The following PUDP variants were observed in gnomAD, a reference collection of about 807,000 sequenced individuals.
The protein encoded by PUDP is pseudouridine 5'-phosphatase.
A neutral mutation model predicts 9.4 loss-of-function variants in PUDP; 8 were observed. That is an observed-to-expected ratio of 0.85 (90% confidence interval 0.50 to 1.53). The LOEUF (loss-of-function observed/expected upper bound fraction) is 1.53. Among genes scored for constraint, PUDP ranks in the 40% most tolerant of loss-of-function variants. The pLI, the probability that PUDP is intolerant of heterozygous loss-of-function variation, is 0.00. For synonymous variants in PUDP, 99 were observed against 80.7 expected, an observed-to-expected ratio of 1.23 and a Z score of -1.22; for missense variants, 188 against 189.7, an observed-to-expected ratio of 0.99 and a Z score of 0.05.
chrX:6,839,613 T>C (rs1000689837), intron 3 of PUDP, among the ~76,000 whole-genome samples: 1 of 111,828 alleles, frequency 8.9e-6, no homozygotes, highest in African/African-American at 3.3e-5. Flanking sequence ...TGAAAACTTA[T>C]GTGATGCTTC....
At chrX:6,854,850 C>T (rs1025446420) in intron 3 of PUDP, among the ~76,000 whole-genome samples, 1 of 108,664 alleles carries the variant, frequency 9.2e-6, no homozygotes, top group African/African-American at 3.3e-5. Context: ...AGGAAGTTCA[C>T]TGATAAGTGG....
intron 3 of PUDP, among the ~76,000 whole-genome samples, chrX:6,779,552 C>T (rs1925522617): frequency 8.9e-6 from 1 of 111,912 alleles, no homozygotes; most frequent in Non-Finnish European, 1.9e-5. Context: ...TTGGACCAGG[C>T]TTACTGACAG....
At chrX:6,946,112 C>T (rs772765045) in intron 3 of PUDP, among the ~76,000 whole-genome samples, 1 of 111,140 alleles carries the variant, frequency 9.0e-6, no homozygotes, top group South Asian at 3.9e-4. Context: ...GATAAGAGAC[C>T]CTGACCATGG....
At chrX:6,972,206 T>C (rs1247834904) in intron 3 of PUDP, among the ~76,000 whole-genome samples, 1 of 111,969 alleles carries the variant, frequency 8.9e-6, no homozygotes, top group East Asian at 2.8e-4. Flanking sequence ...TATTTCTTTC[T>C]CTTGCCTGAT....
intron 3 of PUDP, among the ~76,000 whole-genome samples, chrX:6,739,860 T>G (rs1924915007): frequency 8.9e-6 from 1 of 111,901 alleles, no homozygotes; most frequent in African/African-American, 3.2e-5. Flanking sequence ...TACCTGGCTA[T>G]TTTTGGAGTA....
intron 1 of PUDP, among the ~76,000 whole-genome samples, chrX:6,714,269 A>G (rs1335824049): frequency 1.8e-5 from 2 of 111,963 alleles, no homozygotes; most frequent in African/African-American, 6.5e-5. Context: ...TCATTCATCT[A>G]GATTCAACCA....
At chrX:6,742,350 C>T (rs1038950057) in intron 3 of PUDP, among the ~76,000 whole-genome samples, 1 of 112,673 alleles carries the variant, frequency 8.9e-6, no homozygotes, top group African/African-American at 3.2e-5. Flanking sequence ...TTTATTGGAA[C>T]AGTCACATTA....
chrX:7,090,947 T>C (rs1267691617), intron 2 of PUDP, among the ~76,000 whole-genome samples: 2 of 112,467 alleles, frequency 1.8e-5, no homozygotes, highest in Admixed American at 1.9e-4. Flanking sequence ...GAATCTGCTC[T>C]TTGCCCTGAA....
At chrX:7,094,410 G>A (rs1931512055) in intron 2 of PUDP, among the ~76,000 whole-genome samples, 1 of 100,131 alleles carries the variant, frequency 1.0e-5, no homozygotes, top group Admixed American at 1.1e-4. Context: ...AGGCTGGAGT[G>A]CAGTGGCGTG....
At chrX:6,806,701 T>G (rs1031428999) in intron 3 of PUDP, among the ~76,000 whole-genome samples, 2 of 111,417 alleles carry the variant, frequency 1.8e-5, no homozygotes, top group Non-Finnish European at 3.8e-5. Flanking sequence ...GAAGACTGAC[T>G]TCCAGGAAGC....
At chrX:6,893,217 G>A (rs1927541139) in intron 3 of PUDP, among the ~76,000 whole-genome samples, 1 of 111,954 alleles carries the variant, frequency 8.9e-6, no homozygotes, top group Admixed American at 9.5e-5. Flanking sequence ...TGTGATCCAA[G>A]TCAGGTTAGA....
At chrX:6,980,399 G>A (rs1433313160) in intron 1 of PUDP, among the ~76,000 whole-genome samples, 1 of 110,890 alleles carries the variant, frequency 9.0e-6, no homozygotes, top group African/African-American at 3.3e-5. Flanking sequence ...TTGTAGAGAA[G>A]GGGTCTTGCT....
intron 1 of PUDP, chrX:6,989,908 GGTT>G (rs1475982377): frequency 9.0e-6 from 1 of 111,563 alleles, no homozygotes; most frequent in Admixed American, 9.5e-5. Context: ...CTTTAGTGGT[GGTT>G]ATGTTCGGAG....
chrX:6,811,326 T>C (rs1926140514), intron 3 of PUDP, among the ~76,000 whole-genome samples: 1 of 110,687 alleles, frequency 9.0e-6, no homozygotes, highest in South Asian at 4.0e-4. Context: ...ATTATTAATA[T>C]TATTTTGAGA....
chrX:6,946,783 A>G (rs1428845923), intron 3 of PUDP, among the ~76,000 whole-genome samples: 1 of 112,186 alleles, frequency 8.9e-6, no homozygotes, highest in African/African-American at 3.2e-5. Context: ...AAGTTTTGCT[A>G]CACTGAATAA....
At chrX:6,933,527 G>C (rs1203939793) in intron 3 of PUDP, among the ~76,000 whole-genome samples, 2 of 109,896 alleles carry the variant, frequency 1.8e-5, no homozygotes, top group African/African-American at 3.3e-5. Flanking sequence ...AAACCACAAA[G>C]ATGGGGAAAA....
At chrX:7,009,654 A>G (rs748453794) in intron 1 of PUDP, among the ~76,000 whole-genome samples, 1 of 110,998 alleles carries the variant, frequency 9.0e-6, no homozygotes, top group East Asian at 2.8e-4. Flanking sequence ...TGGTGATGTT[A>G]CCTACTTTTG....
intron 1 of PUDP, among the ~76,000 whole-genome samples, chrX:7,145,361 G>C (rs993603104): frequency 1.3e-4 from 14 of 111,288 alleles, no homozygotes; most frequent in African/African-American, 4.6e-4. Context: ...TAAAGAAATT[G>C]GGACCATCTT....
intron 3 of PUDP, among the ~76,000 whole-genome samples, chrX:7,059,751 G>A (rs915800740): frequency 8.9e-6 from 1 of 112,096 alleles, no homozygotes; most frequent in African/African-American, 3.2e-5. Flanking sequence ...CACATTGTCA[G>A]GACAGCAAAA....
Sources: gnomAD v4.1 joint callset for allele counts (sites outside exome capture counted in the v4.1 genomes callset) on GRCh38, gnomAD v4.1.1 for gene constraint, MANE v1.5 for transcripts, NCBI Gene and HGNC (gene_info 2026-07-23, HGNC 2026-07-21) for gene names.